The following ANK3 variants were observed in gnomAD, a reference collection of about 807,000 sequenced individuals.
ANK3 encodes the protein ankyrin 3.
A neutral mutation model predicts 370.9 loss-of-function variants in ANK3; 57 were observed. The ratio of observed to expected loss-of-function variants is 0.15; its 90% CI spans 0.12 to 0.19. The LOEUF (loss-of-function observed/expected upper bound fraction) is 0.19. Among genes scored for constraint, ANK3 ranks in the 10% least tolerant of loss-of-function variants. ANK3 has a pLI of 1.00. For synonymous variants in ANK3, 1,929 were observed against 1,946.3 expected (o/e 0.99, Z 0.23); for missense variants, 4,439 against 5,302.1 (o/e 0.84, Z 5.06).
intron 23 of ANK3, among the ~76,000 whole-genome samples, chr10:60,151,115 T>A (rs2095091106): frequency 6.6e-6 from 1 of 152,170 alleles, no homozygotes; most frequent in Non-Finnish European, 1.5e-5. Context: ...TGTTGAATAC[T>A]TTGAGAGAAG....
intron 1 of ANK3, among the ~76,000 whole-genome samples, chr10:60,322,074 T>A (rs1043277391): frequency 2.6e-5 from 4 of 152,198 alleles, no homozygotes; most frequent in African/African-American, 9.6e-5. Flanking sequence ...AGGATTATTT[T>A]CTAGTTGTAT....
In ANK3 at chr10:60,096,304, T is replaced by C. The variant is rs561073546; in HGVS notation, c.3329-7946A>G. On this transcript the variant is annotated intron_variant, in intron 28 of 43. Transcript: ENST00000280772. ...AATATTCTTTCTGGGATTGAACTTA[T>C]ATGTATTTAGATTTTAAAAACGGTC... Among the ~76,000 whole-genome samples the C allele has an allele frequency of 1.9e-3, 294 of 152,348 alleles. 1 individual carries two copies. The highest frequency in any genetic ancestry group is 6.5e-3 in the African/African-American group (270 of 41,584).
chr10:60,094,843 A>G (rs1412453972), intron 28 of ANK3, among the ~76,000 whole-genome samples: 1 of 152,278 alleles, frequency 6.6e-6, no homozygotes, highest in Non-Finnish European at 1.5e-5. Flanking sequence ...AATAAATATT[A>G]TATGTAAATA....
chr10:60,659,999 G>T (rs1044131994), intron 1 of ANK3, among the ~76,000 whole-genome samples: 1 of 152,060 alleles, frequency 6.6e-6, no homozygotes, highest in Non-Finnish European at 1.5e-5. Flanking sequence ...ATTAGAGATT[G>T]ATTTTCCTAT....
chr10:60,508,694 A>G (rs150792546), intron 2 of ANK3: 1 of 152,384 alleles, frequency 6.6e-6, no homozygotes, highest in Non-Finnish European at 1.5e-5. Flanking sequence ...TCACATCTCT[A>G]CTAATTAGCT....
chr10:60,436,150 C>T (rs2064153451), intron 2 of ANK3, among the ~76,000 whole-genome samples: 1 of 152,020 alleles, frequency 6.6e-6, no homozygotes, highest in South Asian at 2.1e-4. Context: ...TGAATCAGTA[C>T]TCTAGTCCTT....
chr10:60,341,172 T>C (rs2054200988), intron 1 of ANK3, among the ~76,000 whole-genome samples: 1 of 152,178 alleles, frequency 6.6e-6, no homozygotes, highest in Non-Finnish European at 1.5e-5. Flanking sequence ...TACTCAACTC[T>C]ACATTGTTAT....
At chr10:60,147,374 G>A (rs1334536602) in intron 23 of ANK3, among the ~76,000 whole-genome samples, 1 of 152,256 alleles carries the variant, frequency 6.6e-6, no homozygotes, top group Non-Finnish European at 1.5e-5. Context: ...TCAGTAGGAA[G>A]AAGGAGAGGA....
At chr10:60,183,750 CG>C (rs1415536066) in intron 17 of ANK3, among the ~76,000 whole-genome samples, 1 of 151,440 alleles carries the variant, frequency 6.6e-6, no homozygotes, top group African/African-American at 2.4e-5. Flanking sequence ...CCCAGCTACT[CG>C]GGAGGCTGAG....
intron 8 of ANK3, among the ~76,000 whole-genome samples, chr10:60,223,517 G>A (rs2097094792): frequency 6.6e-6 from 1 of 152,100 alleles, no homozygotes; most frequent in Admixed American, 6.5e-5. Context: ...TACAGAGGAG[G>A]TAACTTAGTA....
intron 1 of ANK3, among the ~76,000 whole-genome samples, chr10:60,351,979 T>C (rs1427775666): frequency 6.6e-6 from 1 of 152,180 alleles, no homozygotes; most frequent in Non-Finnish European, 1.5e-5. Context: ...TTTATTCTCA[T>C]GTTCATTTGA....
At position 60,093,628 on chromosome 10, in the gene ANK3, G is replaced by A. The variant is rs10821672; in HGVS notation, c.3329-5270C>T. On this transcript the variant is annotated intron_variant, in intron 28 of 43. Transcript: ENST00000280772. Reference sequence around the variant, plus strand: ...AGAAAGAAACAGCTATAACACCCCCGAAAACGATGACAGCACTGAATTGAG... The same window carrying A: ...AGAAAGAAACAGCTATAACACCCCCAAAAACGATGACAGCACTGAATTGAG... 9.6e-3 allele frequency among the ~76,000 whole-genome samples: 1,461 copies of A among 152,234 alleles called. 6 individuals are homozygous for A. The highest frequency in any genetic ancestry group is 0.016 in the Non-Finnish European group (1,086 of 68,010).
chr10:60,107,497 A>C (rs2092309255), intron 27 of ANK3, among the ~76,000 whole-genome samples: 1 of 152,258 alleles, frequency 6.6e-6, no homozygotes, highest in Non-Finnish European at 1.5e-5. Context: ...CTTCATGCAG[A>C]CTGCCAAGGC....
chr10:60,337,037 A>C (rs960436704), intron 1 of ANK3, among the ~76,000 whole-genome samples: 4 of 151,662 alleles, frequency 2.6e-5, no homozygotes, highest in Non-Finnish European at 5.9e-5. Context: ...AAAAAAAAAA[A>C]CAAACAGTGG....
At chr10:60,564,480 G>A (rs372338116) in intron 2 of ANK3, among the ~76,000 whole-genome samples, 25 of 152,284 alleles carry the variant, frequency 1.6e-4, no homozygotes, top group Non-Finnish European at 2.9e-4. Flanking sequence ...TGAAACTGCC[G>A]TGTGCTCAAG....
At chr10:60,482,156 T>C (rs1168748876) in intron 2 of ANK3, among the ~76,000 whole-genome samples, 1 of 152,102 alleles carries the variant, frequency 6.6e-6, no homozygotes, top group Non-Finnish European at 1.5e-5. Context: ...TACCTCAAAC[T>C]CATCAGCCTT....
rs561631294 is a variant in ANK3 at position 60,609,238 on chromosome 10, T to C, written c.96+5948A>G. On this transcript the variant is annotated intron_variant, in intron 2 of 43. Transcript: ENST00000373827. ...GAGAAAATTGAGGAATAAGGTGGTC[T>C]AGTAACTTCTTCATGATTCCTAATG... 4.9e-4 allele frequency among the ~76,000 whole-genome samples: 75 copies of C among 152,298 alleles called. 1 individual carries two copies. Among genetic ancestry groups the C allele is most frequent in the Middle Eastern group, 3.4e-3 (1 of 294 alleles).
intron 1 of ANK3, among the ~76,000 whole-genome samples, chr10:60,360,019 A>T (rs892897743): frequency 2.0e-5 from 3 of 152,248 alleles, no homozygotes; most frequent in African/African-American, 7.2e-5. Context: ...CTAGTATAAT[A>T]AAATAGTACA....
At chr10:60,483,898 A>G (rs1213619487) in intron 2 of ANK3, among the ~76,000 whole-genome samples, 1 of 152,202 alleles carries the variant, frequency 6.6e-6, no homozygotes, top group African/African-American at 2.4e-5. Context: ...GGACAGAACA[A>G]TGTCGAGGTA....
Sources: allele counts gnomAD v4.1 joint callset (sites outside exome capture counted in the v4.1 genomes callset), GRCh38; gene constraint gnomAD v4.1.1; transcripts MANE v1.5; gene names NCBI Gene and HGNC (gene_info 2026-07-23, HGNC 2026-07-21).